Variants in KCNIP4 observed in about 807,000 individuals in gnomAD.
KCNIP4 encodes potassium voltage-gated channel interacting protein 4, also known as Kv channel-interacting protein 4.
KCNIP4 carries 12 observed loss-of-function variants against 34.0 expected under a neutral mutation model. The ratio of observed to expected loss-of-function variants is 0.35; its 90% CI spans 0.23 to 0.57. KCNIP4 has a LOEUF of 0.57. Among genes scored for constraint, KCNIP4 ranks in the 20% least tolerant of loss-of-function variants. KCNIP4 has a pLI of 0.83. For synonymous variants in KCNIP4, 124 were observed against 102.2 expected (o/e 1.21, Z -1.29); for missense variants, 238 against 311.7 (o/e 0.76, Z 1.78).
intron 1 of KCNIP4, among the ~76,000 whole-genome samples, chr4:21,449,523 TA>T (rs2109738256): frequency 6.6e-6 from 1 of 152,096 alleles, no homozygotes; most frequent in South Asian, 2.1e-4. Context: ...AGCACTTTTT[TA>T]AAAATTGCAA....
At chr4:21,342,335 G>A (rs1293717797) in intron 1 of KCNIP4, among the ~76,000 whole-genome samples, 2 of 152,088 alleles carry the variant, frequency 1.3e-5, no homozygotes, top group South Asian at 2.1e-4. Flanking sequence ...TGAACGTCTT[G>A]CATACATATA....
intron 1 of KCNIP4, among the ~76,000 whole-genome samples, chr4:21,764,126 GA>G (rs1365437646): frequency 6.6e-6 from 1 of 152,096 alleles, no homozygotes; most frequent in Non-Finnish European, 1.5e-5. Context: ...TGCAGAAAGG[GA>G]AATCATATAT....
chr4:20,975,875 G>A (rs1735439679), intron 1 of KCNIP4, among the ~76,000 whole-genome samples: 1 of 152,160 alleles, frequency 6.6e-6, no homozygotes, highest in African/African-American at 2.4e-5. Context: ...TAAATATATT[G>A]TGACATATGA....
intron 1 of KCNIP4, among the ~76,000 whole-genome samples, chr4:21,165,991 G>A (rs1216082241): frequency 6.6e-6 from 1 of 152,126 alleles, no homozygotes; most frequent in African/African-American, 2.4e-5. Flanking sequence ...GAGCATGCAG[G>A]AACAGGGCAC....
At chr4:21,628,800 C>A (rs1026144073) in intron 1 of KCNIP4, among the ~76,000 whole-genome samples, 1 of 152,132 alleles carries the variant, frequency 6.6e-6, no homozygotes, top group Non-Finnish European at 1.5e-5. Flanking sequence ...CTATATTTAA[C>A]CAATCACTAT....
At position 21,234,141 on chromosome 4, in the gene KCNIP4, T is replaced by A. The variant is rs527498733; in HGVS notation, c.62-351432A>T. ...TATATATAACATATATAACGTATAT[T>A]ATATATAACATATATAACGTATATT... On this transcript the variant is annotated intron_variant, in intron 1 of 8. Transcript: ENST00000382152. Among the ~76,000 whole-genome samples the A allele has an allele frequency of 2.6e-4, 28 of 107,002 alleles. 2 individuals are homozygous for A. Among genetic ancestry groups the A allele is most frequent in the Non-Finnish European group, 1.6e-4 (10 of 62,066 alleles). 70.2% of individuals were successfully genotyped at this position (107,002 alleles called of 152,430 possible).
chr4:21,259,198 A>G (rs1761289117), intron 1 of KCNIP4, among the ~76,000 whole-genome samples: 1 of 152,148 alleles, frequency 6.6e-6, no homozygotes, highest in African/African-American at 2.4e-5. Flanking sequence ...TCCAAAATTT[A>G]TGGTATGAAC....
chr4:21,000,656 G>A (rs1481089724), intron 1 of KCNIP4, among the ~76,000 whole-genome samples: 1 of 151,740 alleles, frequency 6.6e-6, no homozygotes, highest in East Asian at 1.9e-4. Flanking sequence ...TTGCACTCCA[G>A]CCTGTGCAAA....
chr4:21,320,941 G>A (rs1227748481), intron 1 of KCNIP4, among the ~76,000 whole-genome samples: 3 of 121,614 alleles, frequency 2.5e-5, no homozygotes, highest in Non-Finnish European at 5.0e-5. Flanking sequence ...CTCAAGCCTG[G>A]GCAATAGAGC....
chr4:21,510,554 T>C (rs984634369), intron 1 of KCNIP4, among the ~76,000 whole-genome samples: 7 of 152,184 alleles, frequency 4.6e-5, no homozygotes, highest in African/African-American at 1.7e-4. Context: ...GATAACACAA[T>C]GGAATAATGT....
intron 1 of KCNIP4, among the ~76,000 whole-genome samples, chr4:20,929,447 T>C (rs6812480): frequency 0.14 from 21,263 of 151,954 alleles, 1,592 homozygotes; most frequent in South Asian, 0.23. Context: ...TGGGAAACAG[T>C]TGAAAGCTTT....
At chr4:21,460,061 G>C (rs1029967231) in intron 1 of KCNIP4, among the ~76,000 whole-genome samples, 1 of 151,308 alleles carries the variant, frequency 6.6e-6, no homozygotes, top group East Asian at 2.0e-4. Flanking sequence ...TAAAAGCCAC[G>C]ATCTTGCAAA....
In KCNIP4 at chr4:21,615,637, G is replaced by T. The variant is rs193235172; in HGVS notation, c.61+332934C>A. 2.6e-5 allele frequency among the ~76,000 whole-genome samples: 4 copies of T among 152,046 alleles called. No homozygotes were observed. In the East Asian group the frequency reaches 7.7e-4, roughly 29 times the overall value. On this transcript the variant is annotated intron_variant, in intron 1 of 8. Coordinates refer to ENST00000382152, the MANE Select transcript of KCNIP4 (RefSeq NM_025221.6). Reference sequence around the variant, plus strand: ...GAAACAGACAAAACCTGAAAACAAAGAATTGAGGAGAAAAATAAAGTACAT... The same window carrying T: ...GAAACAGACAAAACCTGAAAACAAATAATTGAGGAGAAAAATAAAGTACAT...
chr4:21,605,046 T>G (rs1247738576), intron 1 of KCNIP4, among the ~76,000 whole-genome samples: 2 of 152,138 alleles, frequency 1.3e-5, no homozygotes, highest in East Asian at 3.9e-4. Context: ...AAACAGCAAG[T>G]CTTCTTTGGT....
intron 1 of KCNIP4, among the ~76,000 whole-genome samples, chr4:21,548,045 T>A (rs2109010769): frequency 6.6e-6 from 1 of 152,218 alleles, no homozygotes; most frequent in African/African-American, 2.4e-5. Flanking sequence ...TTTATTTTCT[T>A]ACATTTATTC....
chr4:21,686,864 G>A (rs1243312100), intron 1 of KCNIP4, among the ~76,000 whole-genome samples: 1 of 151,358 alleles, frequency 6.6e-6, no homozygotes, highest in Non-Finnish European at 1.5e-5. Context: ...AAAGACACAT[G>A]CACACGTATG....
Position 21,369,190 on chromosome 4 carries a change from G to A in KCNIP4, c.62-486481C>T, listed in dbSNP as rs190446905. 1.2e-4 allele frequency among the ~76,000 whole-genome samples: 17 copies of A among 147,256 alleles called. No individual in the cohort carries two copies. In the East Asian group the frequency reaches 1.6e-3, roughly 14 times the overall value. ...TTAATGGTAGTGTTATGAGAATTAC[G>A]TTTATAGACTTCTAGGCACAGTATC... On this transcript the variant is annotated intron_variant, in intron 1 of 8. Coordinates refer to ENST00000382152, the MANE Select transcript of KCNIP4 (RefSeq NM_025221.6).
intron 1 of KCNIP4, among the ~76,000 whole-genome samples, chr4:21,332,529 C>T (rs1290821323): frequency 1.3e-5 from 2 of 151,806 alleles, no homozygotes; most frequent in Non-Finnish European, 1.5e-5. Flanking sequence ...CTTCAATCCC[C>T]TCTCTGTAAA....
At chr4:21,711,407 G>A (rs573183733) in intron 1 of KCNIP4, among the ~76,000 whole-genome samples, 10 of 152,274 alleles carry the variant, frequency 6.6e-5, no homozygotes, top group African/African-American at 2.2e-4. Context: ...GGGAGGTGGA[G>A]GTTGCAGTGA....
Sources: gnomAD v4.1 joint callset for allele counts (sites outside exome capture counted in the v4.1 genomes callset) on GRCh38, gnomAD v4.1.1 for gene constraint, MANE v1.5 for transcripts, NCBI Gene and HGNC (gene_info 2026-07-23, HGNC 2026-07-21) for gene names.